FAF1: variants seen among roughly 807,000 people sequenced by gnomAD.
FAF1 encodes the protein FAS-associated factor 1.
FAF1 carries 25 observed loss-of-function variants against 92.5 expected under a neutral mutation model. The ratio of observed to expected loss-of-function variants is 0.27; its 90% CI spans 0.20 to 0.38. The LOEUF is 0.38. FAF1 is among the 10% of genes least tolerant of loss of function. The pLI, the probability that FAF1 is intolerant of heterozygous loss-of-function variation, is 1.00. For missense variants in FAF1, 636 were observed against 793.3 expected (o/e 0.80, Z 2.38); for synonymous variants, 234 against 273.2 (o/e 0.86, Z 1.42).
At chr1:50,467,528 C>T (rs56272614) in intron 18 of FAF1, among the ~76,000 whole-genome samples, 25,164 of 151,892 alleles carry the variant, frequency 0.17, 2,862 homozygotes, top group African/African-American at 0.33. Flanking sequence ...TTAGCCAGGA[C>T]GGTCTCGATC....
intron 7 of FAF1, among the ~76,000 whole-genome samples, chr1:50,684,876 TC>T (rs1271783406): frequency 6.6e-6 from 1 of 152,182 alleles, no homozygotes; most frequent in Non-Finnish European, 1.5e-5. Flanking sequence ...AATATAAACA[TC>T]AGTAAGATAT....
chr1:50,513,790 C>T (rs954074105), intron 15 of FAF1, among the ~76,000 whole-genome samples: 1 of 151,982 alleles, frequency 6.6e-6, no homozygotes, highest in African/African-American at 2.4e-5. Context: ...GACTTTTATC[C>T]CTATTCAGAG....
At chr1:50,746,889 C>T (rs1053504468) in intron 4 of FAF1, among the ~76,000 whole-genome samples, 1 of 152,160 alleles carries the variant, frequency 6.6e-6, no homozygotes, top group Non-Finnish European at 1.5e-5. Context: ...GAAACTGCTC[C>T]CTGCATCCTG....
chr1:50,942,731 A>T (rs568115711), intron 1 of FAF1, among the ~76,000 whole-genome samples: 13 of 151,684 alleles, frequency 8.6e-5, no homozygotes, highest in Admixed American at 8.5e-4. Context: ...CGGCAGCCAG[A>T]GTTTTAGTTG....
chr1:50,610,241 T>C (rs987706292), intron 8 of FAF1, among the ~76,000 whole-genome samples: 9 of 152,212 alleles, frequency 5.9e-5, no homozygotes, highest in African/African-American at 2.2e-4. Flanking sequence ...GATGATATGT[T>C]CAATACACTG....
In FAF1 at chr1:50,767,926, G is replaced by A. The variant is rs1262582736; in HGVS notation, c.367+20074C>T. Among the ~76,000 whole-genome samples the A allele has an allele frequency of 2.0e-5, 3 of 152,172 alleles. No individual in the cohort carries two copies. In the East Asian group the frequency reaches 5.8e-4, roughly 29 times the overall value. ...ATAACCAGGTAACAATCCGATGACT[G>A]GATCAAATCCACACCTATCAATATA... On this transcript the variant is annotated intron_variant, in intron 4 of 18. Transcript: ENST00000396153.
At chr1:50,915,760 T>C (rs759075173) in intron 1 of FAF1, among the ~76,000 whole-genome samples, 9 of 152,142 alleles carry the variant, frequency 5.9e-5, no homozygotes, top group Non-Finnish European at 8.8e-5. Context: ...AATAAATATT[T>C]CAGGCTCATG....
At chr1:50,926,557 A>G (rs576736024) in intron 1 of FAF1, among the ~76,000 whole-genome samples, 49 of 152,260 alleles carry the variant, frequency 3.2e-4, no homozygotes, top group Admixed American at 1.0e-3. Flanking sequence ...TATATTTTCA[A>G]AAAGATAAAA....
rs190689738 is a variant in FAF1, at chr1:50,905,061, G to C, written c.46-47064C>G. On this transcript the variant is annotated intron_variant, in intron 1 of 18. Transcript: ENST00000396153. ...AGCCCCCCACCCCACAACAGGCCCCGGTGTGTGATGTTCCCCACCCTGTGT... is the reference window on the plus strand; with the variant it reads ...AGCCCCCCACCCCACAACAGGCCCCCGTGTGTGATGTTCCCCACCCTGTGT... 3.3e-3 allele frequency among the ~76,000 whole-genome samples: 496 copies of C among 151,858 alleles called. 2 individuals carry two copies. Among genetic ancestry groups the C allele is most frequent in the African/African-American group, 0.012 (484 of 41,398 alleles).
intron 2 of FAF1, among the ~76,000 whole-genome samples, chr1:50,805,187 A>G (rs1662144306): frequency 1.3e-5 from 2 of 152,216 alleles, no homozygotes; most frequent in Admixed American, 1.3e-4. Flanking sequence ...ACTATGGTGG[A>G]TCATTATCAT....
chr1:50,746,280 A>T (rs1569874497), intron 4 of FAF1, among the ~76,000 whole-genome samples: 1 of 18,874 alleles, frequency 5.3e-5, no homozygotes, highest in African/African-American at 2.7e-4. Flanking sequence ...ATATATATAT[A>T]TATATATATA....
intron 8 of FAF1, among the ~76,000 whole-genome samples, chr1:50,637,593 C>A (rs1395226841): frequency 6.6e-6 from 1 of 151,520 alleles, no homozygotes; most frequent in African/African-American, 2.4e-5. Flanking sequence ...TGCAGTGAAT[C>A]CATAGCTGTC....
At chr1:50,909,847 G>C (rs1333040970) in intron 1 of FAF1, among the ~76,000 whole-genome samples, 1 of 152,150 alleles carries the variant, frequency 6.6e-6, no homozygotes, top group Non-Finnish European at 1.5e-5. Flanking sequence ...GGAGAAGTTT[G>C]TTATTACCGA....
chr1:50,739,985 A>G (rs115541002), intron 5 of FAF1, among the ~76,000 whole-genome samples: 53 of 151,480 alleles, frequency 3.5e-4, no homozygotes, highest in African/African-American at 1.2e-3. Flanking sequence ...ACATTAAGAA[A>G]TACATTGTAT....
intron 12 of FAF1, 143 bp downstream of exon 12, chr1:50,582,475 T>C: frequency 1.6e-6 from 1 of 614,904 alleles, no homozygotes; most frequent in Non-Finnish European, 2.9e-6. Flanking sequence ...CCATGCACAA[T>C]GATGACATAC....
chr1:50,728,175 A>G (rs1395551815), intron 6 of FAF1, among the ~76,000 whole-genome samples: 1 of 152,146 alleles, frequency 6.6e-6, no homozygotes, highest in Non-Finnish European at 1.5e-5. Flanking sequence ...AGAGGGTATA[A>G]CAGAGGGGCT....
chr1:50,837,465 C>T (rs1341842816), intron 2 of FAF1, among the ~76,000 whole-genome samples: 1 of 152,132 alleles, frequency 6.6e-6, no homozygotes, highest in Non-Finnish European at 1.5e-5. Flanking sequence ...TGATTAGATT[C>T]AGTTAAATAT....
intron 15 of FAF1, among the ~76,000 whole-genome samples, chr1:50,507,868 C>T (rs888773902): frequency 5.3e-5 from 8 of 152,132 alleles, no homozygotes; most frequent in Non-Finnish European, 7.4e-5. Context: ...TTTCTCAGGT[C>T]ATAGGACATT....
chr1:50,861,161 C>G (rs561294047), intron 1 of FAF1, among the ~76,000 whole-genome samples: 1 of 151,880 alleles, frequency 6.6e-6, no homozygotes, highest in East Asian at 1.9e-4. Flanking sequence ...TCAAGCATCA[C>G]ACAATATATC....
Sources: gnomAD v4.1 joint callset for allele counts (sites outside exome capture counted in the v4.1 genomes callset) on GRCh38, gnomAD v4.1.1 for gene constraint, MANE v1.5 for transcripts, NCBI Gene and HGNC (gene_info 2026-07-23, HGNC 2026-07-21) for gene names.